Variants in TBX22 observed in about 807,000 individuals in gnomAD.
TBX22 encodes the protein T-box transcription factor TBX22.
A neutral mutation model predicts 30.1 loss-of-function variants in TBX22; 8 were observed. That is an observed-to-expected ratio of 0.27 (90% CI 0.16 to 0.48). TBX22 has a LOEUF of 0.48. TBX22 is among the 20% of genes least tolerant of loss of function. TBX22 has a pLI of 0.99. For missense variants in TBX22, 463 were observed against 400.5 expected (o/e 1.16, Z -1.33); for synonymous variants, 173 against 149.1 (o/e 1.16, Z -1.17).
At chrX:80,022,534 C>A (rs1458352521) in intron 2 of TBX22, 90 bp downstream of exon 2, 1 of 972,586 alleles carries the variant, frequency 1.0e-6, no homozygotes, top group Non-Finnish European at 1.4e-6. Flanking sequence ...AGCCAGACAG[C>A]CACATTAGGA....
At chrX:80,022,925 A>C (rs1337954719) in intron 2 of TBX22, 135 bp from the exon 3 acceptor site, 2 of 617,318 alleles carry the variant, frequency 3.2e-6, no homozygotes, top group Admixed American at 5.6e-5. Context: ...TGTTATGCGG[A>C]GCTTGGGGAA....
chrX:80,024,646 T>C (rs1253617311), intron 4 of TBX22, among the ~76,000 whole-genome samples: 2 of 112,032 alleles, frequency 1.8e-5, no homozygotes, highest in Non-Finnish European at 3.8e-5. Flanking sequence ...TCAAGGTCAG[T>C]CAAGCGTTCC....
chrX:80,025,671 T>G lies in TBX22; in HGVS notation c.527T>G (p.Phe176Cys). Reference sequence around the variant, plus strand: ...GACCATTTGTGCATCATTCCTAGATTCTATGTTCACCCGGACTCACCCTGC... The same window carrying G: ...GACCATTTGTGCATCATTCCTAGATGCTATGTTCACCCGGACTCACCCTGC... ...NTDHLCIIPR[F>C]YVHPDSPCSG... The change falls in exon 5 of 9, where the codon TTC becomes TGC. Residue 176 changes from phenylalanine (F) to cysteine (C), a missense_variant. Phe to Cys is a radical substitution (Grantham distance 205). Transcript: ENST00000373296. 1 of 1,209,687 alleles carries G rather than the reference T, an allele frequency of 8.3e-7. No homozygotes were observed. Among genetic ancestry groups the G allele is most frequent in the Non-Finnish European group, 1.1e-6 (1 of 893,669 alleles).
chrX:80,018,458 T>C (rs1393650555), intron 1 of TBX22, among the ~76,000 whole-genome samples: 1 of 111,859 alleles, frequency 8.9e-6, no homozygotes, highest in Non-Finnish European at 1.9e-5. Flanking sequence ...AAAAAAAAGG[T>C]GGCTTTCCTA....
chrX:80,027,238 T>C lies in TBX22; in HGVS notation c.799-18T>C. On this transcript the variant is annotated intron_variant, in intron 6 of 8. Coordinates refer to ENST00000373296, the MANE Select transcript of TBX22 (RefSeq NM_001109878.2). ...TGAAAGCAATGACTTTATCTTTCTC[T>C]CTCTATTGAATCCATAGATTACGAA... is the stretch of plus-strand genomic sequence containing the variant. 1.1e-6 allele frequency: 1 copy of C among 893,656 alleles called. No individual in the cohort carries two copies. The highest frequency in any genetic ancestry group is 1.6e-6 in the Non-Finnish European group (1 of 606,644). The allele number at this position is 893,656 out of a possible 1,213,427, so 73.6% of individuals were successfully genotyped here. A position where few individuals can be genotyped will look rare whatever the true frequency, so the allele number is the denominator to read the frequency against.
At chrX:80,016,458 T>A (rs1037481290) in intron 1 of TBX22, among the ~76,000 whole-genome samples, 1 of 110,463 alleles carries the variant, frequency 9.1e-6, no homozygotes, top group African/African-American at 3.3e-5. Flanking sequence ...AAGCAAGCAT[T>A]TTTCTAGTTT....
intron 2 of TBX22, chrX:80,022,705 C>T (rs1923773770): frequency 2.3e-6 from 1 of 434,619 alleles, no homozygotes; most frequent in South Asian, 3.4e-5. Flanking sequence ...AAGCTCTCAC[C>T]GCCAGCGGGT....
rs200577659 is a variant in TBX22 at position 80,022,027 on chromosome X, T to TACACACAC, written c.-2-207_-2-200dup. Reference sequence around the variant, plus strand: ...AAAATATATATGTATATAAAAAAATTACACACACACACACACACACACACA... The same window carrying TACACACAC: ...AAAATATATATGTATATAAAAAAATTACACACACACACACACACACACACACACACACA... On this transcript the variant is annotated intron_variant, in intron 1 of 8. Coordinates refer to ENST00000373296, the MANE Select transcript of TBX22 (RefSeq NM_001109878.2). Among the ~76,000 whole-genome samples the TACACACAC allele has an allele frequency of 2.0e-3, 189 of 92,959 alleles. 1 individual carries two copies. Among genetic ancestry groups the TACACACAC allele is most frequent in the East Asian group, 5.1e-3 (15 of 2,961 alleles). The allele number at this position is 92,959 out of a possible 115,157, so 80.7% of individuals were successfully genotyped here.
At chrX:80,022,999 G>T (rs1290578227) in intron 2 of TBX22, 61 bp from the exon 3 acceptor site, 1 of 1,119,993 alleles carries the variant, frequency 8.9e-7, no homozygotes, top group Non-Finnish European at 1.2e-6. Flanking sequence ...GCACCAGCGA[G>T]AAGTGGGCAT....
At position 80,030,414 on chromosome X, in the gene TBX22, C is replaced by A. The variant is rs148273449; in HGVS notation, c.950-84C>A. 2.4e-3 allele frequency: 2,657 copies of A among 1,104,510 alleles called. 45 individuals are homozygous for A. The African/African-American group carries it at 0.041, about 17-fold the overall frequency. The allele number at this position is 1,104,510 out of a possible 1,213,427, so 91.0% of individuals were successfully genotyped here. A position where few individuals can be genotyped will look rare whatever the true frequency, so the allele number is the denominator to read the frequency against. ...GGAAAATTAATCTAAGGATGAAGCA[C>A]AGATAGTGAAGGATATGATTACTAA... On this transcript the variant is annotated intron_variant, in intron 8 of 8. Transcript: ENST00000373296.
chrX:80,022,436 A>T lies in TBX22; in HGVS notation c.167A>T (p.Glu56Val). ...ERRSSAAGKS[E>V]PLEKQPKTEP... ...AGGAGCAGCGCTGCAGGGAAGAGCG[A>T]GCCGCTTGGTAAGTACTGCCATTGC... Residue 56 changes from glutamate (E) to valine (V), a missense_variant, in exon 2 of 9, where the codon GAG (glutamate) becomes GTG (valine). Glu to Val is a moderately radical substitution (Grantham distance 121, BLOSUM62 -2). Transcript: ENST00000373296. 8.4e-7 allele frequency: 1 copy of T among 1,183,629 alleles called. No individual in the cohort carries two copies. The highest frequency in any genetic ancestry group is 1.1e-6 in the Non-Finnish European group (1 of 881,863).
At chrX:80,020,794 G>T (rs1227491279) in intron 1 of TBX22, among the ~76,000 whole-genome samples, 2 of 111,619 alleles carry the variant, frequency 1.8e-5, no homozygotes, top group Non-Finnish European at 3.8e-5. Flanking sequence ...TCCAGTATTG[G>T]CATATTATAA....
chrX:80,016,736 T>A lies in TBX22; in HGVS notation c.-3+1849T>A, dbSNP rs941678639. On this transcript the variant is annotated intron_variant, in intron 1 of 8. Transcript: ENST00000373296. Reference sequence around the variant, plus strand: ...AAAGGCAGCATGATGCCAGGTGCGGTGGCTCAAGCCTGTAATCCCAGCACT... The same window carrying A: ...AAAGGCAGCATGATGCCAGGTGCGGAGGCTCAAGCCTGTAATCCCAGCACT... Among the ~76,000 whole-genome samples the A allele has an allele frequency of 1.8e-4, 20 of 111,377 alleles. 1 individual carries two copies. The highest frequency in any genetic ancestry group is 3.4e-4 in the Non-Finnish European group (18 of 53,077).
At chrX:80,016,264 G>A (rs1169866348) in intron 1 of TBX22, among the ~76,000 whole-genome samples, 1 of 112,054 alleles carries the variant, frequency 8.9e-6, no homozygotes, top group Non-Finnish European at 1.9e-5. Context: ...AGTAAATAGT[G>A]AAAAGATTAG....
intron 1 of TBX22, 85 bp from the exon 2 acceptor site, chrX:80,022,183 G>A: frequency 1.1e-6 from 1 of 943,880 alleles, no homozygotes; most frequent in South Asian, 2.0e-5. Context: ...TTCACCCTCT[G>A]TGCCCTCCGC....
intron 5 of TBX22, among the ~76,000 whole-genome samples, chrX:80,026,266 G>A: frequency 9.0e-6 from 1 of 111,685 alleles, no homozygotes; most frequent in South Asian, 3.8e-4. Flanking sequence ...ATTCTCACTA[G>A]GTGCACCCCA....
intron 1 of TBX22, among the ~76,000 whole-genome samples, chrX:80,015,116 T>A (rs1351424056): frequency 1.8e-5 from 2 of 111,806 alleles, no homozygotes; most frequent in Non-Finnish European, 3.8e-5. Flanking sequence ...TAGTGCTCTT[T>A]AAAATTAATG....
intron 3 of TBX22, among the ~76,000 whole-genome samples, chrX:80,023,754 G>C (rs1222728636): frequency 9.0e-6 from 1 of 111,557 alleles, no homozygotes. Context: ...CCCTTGAAAA[G>C]GAGGTTGGGA....
chrX:80,015,320 T>G lies in TBX22; in HGVS notation c.-3+433T>G, dbSNP rs747650165. 4.5e-5 allele frequency among the ~76,000 whole-genome samples: 5 copies of G among 112,166 alleles called. No individual in the cohort carries two copies. The East Asian group carries it at 1.4e-3, about 32-fold the overall frequency. Reference sequence around the variant, plus strand: ...GGAGTGCCTCCTGGAAGGTGAGGACTGAAGCCAACGTGGAAGTCACTGAGC... The same window carrying G: ...GGAGTGCCTCCTGGAAGGTGAGGACGGAAGCCAACGTGGAAGTCACTGAGC... On this transcript the variant is annotated intron_variant, in intron 1 of 8. Coordinates refer to ENST00000373296, the MANE Select transcript of TBX22 (RefSeq NM_001109878.2).
Sources: gnomAD v4.1 joint callset for allele counts (sites outside exome capture counted in the v4.1 genomes callset) on GRCh38, gnomAD v4.1.1 for gene constraint, MANE v1.5 for transcripts, NCBI Gene and HGNC (gene_info 2026-07-23, HGNC 2026-07-21) for gene names.